The following CHD9 variants were observed in gnomAD, a reference collection of about 807,000 sequenced individuals.
The protein encoded by CHD9 is chromodomain helicase DNA binding protein 9.
CHD9 carries 77 observed loss-of-function variants against 316.1 expected under a neutral mutation model. The ratio of observed to expected loss-of-function variants is 0.24; its 90% CI spans 0.20 to 0.29. CHD9 has a LOEUF of 0.29. CHD9 is among the 10% of genes least tolerant of loss of function. CHD9 has a pLI of 1.00. For synonymous variants in CHD9, 1,129 were observed against 1,158.3 expected (o/e 0.97, Z 0.51); for missense variants, 2,763 against 3,438.1 (o/e 0.80, Z 4.91).
chr16:53,132,921 A>T (rs1168811384), intron 1 of CHD9, among the ~76,000 whole-genome samples: 3 of 149,188 alleles, frequency 2.0e-5, no homozygotes, highest in African/African-American at 7.4e-5. Context: ...CAGTTCTCCA[A>T]CCTCAGCCTC....
rs34946383 is a variant in CHD9, at chr16:53,198,315, A to ATTT, written c.1453-11147_1453-11145dup. Among the ~76,000 whole-genome samples the ATTT allele has an allele frequency of 6.7e-3, 837 of 125,188 alleles. 17 individuals carry two copies. Among genetic ancestry groups the ATTT allele is most frequent in the Non-Finnish European group, 9.5e-3 (571 of 60,238 alleles). The allele number at this position is 125,188 out of a possible 152,430, so 82.1% of individuals were successfully genotyped here. ...GCACCTGACTCATAATAAGCATTCA[A>ATTT]TTTTTTTTTTTTTTTTTTTTTTGAG... On this transcript the variant is annotated intron_variant, in intron 2 of 38. Coordinates refer to ENST00000447540, the MANE Select transcript of CHD9 (RefSeq NM_001308319.2).
At chr16:53,224,688 C>T (rs760086654) in intron 4 of CHD9, among the ~76,000 whole-genome samples, 1 of 152,264 alleles carries the variant, frequency 6.6e-6, no homozygotes, top group Middle Eastern at 3.4e-3. Context: ...GAACTATTCT[C>T]AAATTTCATT....
intron 1 of CHD9, among the ~76,000 whole-genome samples, chr16:53,133,549 A>T (rs1276630012): frequency 1.3e-5 from 2 of 152,120 alleles, no homozygotes; most frequent in Non-Finnish European, 2.9e-5. Flanking sequence ...TGTAGATAAT[A>T]TTAAGTTTCT....
chr16:53,117,992 ATTT>A (rs1299235705), intron 1 of CHD9, among the ~76,000 whole-genome samples: 1 of 151,330 alleles, frequency 6.6e-6, no homozygotes, highest in African/African-American at 2.4e-5. Context: ...CGCCCAGCTA[ATTT>A]TTTTTGTATT....
intron 19 of CHD9, among the ~76,000 whole-genome samples, chr16:53,257,473 A>G (rs1306348615): frequency 2.0e-5 from 3 of 152,338 alleles, no homozygotes; most frequent in South Asian, 2.1e-4. Flanking sequence ...TGTGTATGAA[A>G]TAATGATGGG....
chr16:53,117,895 GGCTCACTGTAA>G, intron 1 of CHD9, among the ~76,000 whole-genome samples: 1 of 149,760 alleles, frequency 6.7e-6, no homozygotes, highest in Non-Finnish European at 1.5e-5. Flanking sequence ...GTGCGATCTT[GGCTCACTGTAA>G]GCTCTGCCTC....
intron 8 of CHD9, 22 bp downstream of exon 8, chr16:53,229,122 C>T: frequency 1.6e-6 from 2 of 1,279,034 alleles, no homozygotes; most frequent in East Asian, 5.0e-5. Flanking sequence ...ATAAATAAGA[C>T]TATTATGTGT....
intron 1 of CHD9, among the ~76,000 whole-genome samples, chr16:53,152,458 G>C (rs2041198688): frequency 6.6e-6 from 1 of 152,166 alleles, no homozygotes; most frequent in Non-Finnish European, 1.5e-5. Context: ...TTAGTGACCT[G>C]AGGAGGCCAT....
intron 34 of CHD9, among the ~76,000 whole-genome samples, chr16:53,309,845 T>TA (rs1252446707): frequency 4.0e-5 from 6 of 149,174 alleles, no homozygotes; most frequent in Admixed American, 6.7e-5. Context: ...AATGAAAATT[T>TA]AAAAAAAAAA....
At chr16:53,110,876 C>T (rs1430849580) in intron 1 of CHD9, among the ~76,000 whole-genome samples, 2 of 152,156 alleles carry the variant, frequency 1.3e-5, no homozygotes, top group Non-Finnish European at 2.9e-5. Flanking sequence ...TGATCTCTGA[C>T]ATAAACAGGT....
chr16:53,307,768 A>C lies in CHD9; in HGVS notation c.6868A>C (p.Asn2290His). The change falls in exon 33 of 39, where the codon AAC (asparagine) becomes CAC (histidine). Residue 2290 changes from asparagine to histidine, a missense_variant. This residue lies in a region of CHD9 where 663 missense variants were observed against 751.2 expected (regional missense o/e 0.88). Transcript: ENST00000447540. ...TTCAGCTAGAAGAAGTTATGATGCT[A>C]ACACAGTGGCTTCTTTCTATACCAC... ...WPSARRSYDA[N>H]TVASFYTTKL... is the part of the protein sequence containing the mutation. 2.5e-6 allele frequency: 4 copies of C among 1,613,086 alleles called. No homozygotes were observed. The South Asian group carries it at 4.4e-5, about 18-fold the overall frequency.
intron 19 of CHD9, among the ~76,000 whole-genome samples, chr16:53,258,800 A>G (rs2050823382): frequency 6.6e-6 from 1 of 152,106 alleles, no homozygotes; most frequent in South Asian, 2.1e-4. Flanking sequence ...AGAGATTTTT[A>G]TAAGGGCAGC....
intron 1 of CHD9, among the ~76,000 whole-genome samples, chr16:53,055,558 T>C (rs1251816408): frequency 2.1e-5 from 3 of 145,990 alleles, no homozygotes; most frequent in Non-Finnish European, 4.5e-5. Context: ...GGTATTAAAA[T>C]GTTTGCAAGA....
At chr16:53,057,813 G>A (rs78686908) in intron 1 of CHD9, among the ~76,000 whole-genome samples, 6,748 of 152,194 alleles carry the variant, frequency 0.044, 155 homozygotes, top group African/African-American at 0.063. Flanking sequence ...AGGAGGACAC[G>A]CTGCTTTCTG....
At chr16:53,123,651 A>G (rs1567345848) in intron 1 of CHD9, among the ~76,000 whole-genome samples, 1 of 151,986 alleles carries the variant, frequency 6.6e-6, no homozygotes, top group East Asian at 1.9e-4. Flanking sequence ...ATAGATGCAC[A>G]CCACAACGCC....
intron 12 of CHD9, among the ~76,000 whole-genome samples, chr16:53,242,543 CT>C (rs1442901964): frequency 6.6e-6 from 1 of 152,094 alleles, no homozygotes; most frequent in Non-Finnish European, 1.5e-5. Context: ...ATGATTATTT[CT>C]TGCCCAAAAT....
chr16:53,153,939 A>G (rs1423921640), intron 1 of CHD9, among the ~76,000 whole-genome samples: 1 of 152,208 alleles, frequency 6.6e-6, no homozygotes, highest in Non-Finnish European at 1.5e-5. Context: ...GAGTATCTGT[A>G]TGCTAGCTGG....
Position 53,200,612 on chromosome 16 carries a change from A to C in CHD9, c.1453-8870A>C, listed in dbSNP as rs530063797. Among the ~76,000 whole-genome samples the C allele has an allele frequency of 3.0e-4, 45 of 152,326 alleles. 1 individual carries two copies. The highest frequency in any genetic ancestry group is 5.3e-4 in the Non-Finnish European group (36 of 68,028). ...AATGTGGAAGGAATTATGGAAATAG[A>C]AACTTTCCATTAGGCAAATACCACA... On this transcript the variant is annotated intron_variant, in intron 2 of 38. Transcript: ENST00000447540.
At chr16:53,179,344 A>G (rs1231330975) in intron 2 of CHD9, among the ~76,000 whole-genome samples, 1 of 152,074 alleles carries the variant, frequency 6.6e-6, no homozygotes, top group African/African-American at 2.4e-5. Context: ...ATTTTCACTT[A>G]AAATATCAGC....
Sources: gnomAD v4.1 joint callset for allele counts (sites outside exome capture counted in the v4.1 genomes callset) on GRCh38, gnomAD v4.1.1 for gene constraint, gnomAD v4.1.1 regional missense constraint, MANE v1.5 for transcripts, NCBI Gene and HGNC (gene_info 2026-07-23, HGNC 2026-07-21) for gene names.